The following TPM2 variants were observed in gnomAD, a reference collection of about 807,000 sequenced individuals.
TPM2 encodes the protein tropomyosin 2.
A neutral mutation model predicts 41.0 loss-of-function variants in TPM2; 26 were observed. The ratio of observed to expected loss-of-function variants is 0.63; its 90% CI spans 0.46 to 0.88. TPM2 has a LOEUF of 0.88. Among genes scored for constraint, TPM2 ranks in the 40% least tolerant of loss-of-function variants. The pLI is 0.00. For synonymous variants in TPM2, 143 were observed against 139.3 expected, an observed-to-expected ratio of 1.03 and a Z score of -0.19; for missense variants, 187 against 355.2, an observed-to-expected ratio of 0.53 and a Z score of 3.81.
chr9:35,689,346 G>A (rs1022395583), intron 1 of TPM2, 75 bp from the exon 2 acceptor site: 2 of 1,593,032 alleles, frequency 1.3e-6, no homozygotes, highest in Non-Finnish European at 1.7e-6. Context: ...TGTGTGTAGG[G>A]GCGCTACTAA....
chr9:35,686,959 G>A (rs868190233), intron 2 of TPM2, among the ~76,000 whole-genome samples: 11 of 152,226 alleles, frequency 7.2e-5, no homozygotes, highest in African/African-American at 2.4e-4. Context: ...GGGCAGCCAC[G>A]TGTTAAGAGC....
Position 35,689,131 on chromosome 9 carries a change from C to A in TPM2, c.240+15G>T. ...AGCCCTAACTCCTCCCATTGTCCCC[C>A]AAGTCCACACTCACATCAGTGGCCT... is the stretch of plus-strand genomic sequence containing the variant. On this transcript the variant is annotated intron_variant, in intron 2 of 8. Coordinates refer to ENST00000645482, the MANE Select transcript of TPM2 (RefSeq NM_003289.4). 1 of 1,614,126 alleles carries A rather than the reference C, an allele frequency of 6.2e-7. No homozygotes were observed. Among genetic ancestry groups the A allele is most frequent in the Non-Finnish European group, 8.5e-7 (1 of 1,179,978 alleles).
chr9:35,682,793 A>G (rs982242863), downstream of TPM2: 24 of 1,348,780 alleles, frequency 1.8e-5, no homozygotes, highest in Admixed American at 2.2e-5. Flanking sequence ...GAGGGGTTTC[A>G]GCGTGGGCCA....
Position 35,685,656 on chromosome 9 carries a change from T to C in TPM2, c.365A>G (p.Glu122Gly). The C allele has an allele frequency of 6.2e-7, 1 of 1,614,148 alleles. No homozygotes were observed. The highest frequency in any genetic ancestry group is 8.5e-7 in the Non-Finnish European group (1 of 1,180,028). The change falls in exon 3 of 9, where the codon GAG (glutamate) becomes GGG (glycine). Residue 122 changes from glutamate to glycine, a missense_variant. Physicochemically the swap from Glu to Gly is moderately conservative, Grantham distance 98. Coordinates refer to ENST00000645482, the MANE Select transcript of TPM2 (RefSeq NM_003289.4). The surrounding 1 kb of genome is among the most constrained non-coding windows in gnomAD (Gnocchi z 5.0). ...KLEEAEKAAD[E>G]SERGMKVIEN... ...CGAGGCCCCTGACCACCTCTCGCTC[T>C]CATCAGCCGCCTTCTCGGCCTCCTC... is the stretch of plus-strand genomic sequence containing the variant.
chr9:35,689,043 G>A (rs1825099241), intron 2 of TPM2, 103 bp downstream of exon 2: 2 of 1,349,112 alleles, frequency 1.5e-6, no homozygotes, highest in Non-Finnish European at 2.1e-6. Flanking sequence ...CCTGGCGCTG[G>A]GGACATAAGG....
upstream of TPM2, chr9:35,689,980 G>C (rs1215816162): frequency 1.3e-6 from 2 of 1,500,730 alleles, no homozygotes; most frequent in Admixed American, 2.1e-5. Context: ...GGGCGGGGCC[G>C]GCAACCAGGA....
downstream of TPM2, chr9:35,682,397 G>A: frequency 1.7e-6 from 2 of 1,148,256 alleles, no homozygotes; most frequent in Middle Eastern, 6.0e-4. Context: ...GGGGTGGGGA[G>A]GGCTGAGTCA....
rs776577076 is a variant in TPM2 at position 35,685,563 on chromosome 9, G to T, written c.375-12C>A. The T allele has an allele frequency of 8.7e-5, 140 of 1,614,068 alleles. No homozygotes were observed. The highest frequency in any genetic ancestry group is 7.6e-6 in the Non-Finnish European group (9 of 1,180,048). On this transcript the variant is annotated splice_polypyrimidine_tract_variant and intron_variant, in intron 3 of 8. Transcript: ENST00000645482. The surrounding 1 kb of genome is among the most constrained non-coding windows in gnomAD (Gnocchi z 5.0). ...TGACCTTCATTCCTCTGAAAGGCAG[G>T]GAGAGGGTGAGCGTAGGGTCAGGAC...
downstream of TPM2, chr9:35,682,054 T>C: frequency 1.9e-6 from 3 of 1,613,594 alleles, no homozygotes; most frequent in Non-Finnish European, 1.7e-6. Flanking sequence ...GTGGCAACCA[T>C]AGCCTGGCTG....
intron 8 of TPM2, 78 bp from the exon 9 acceptor site, chr9:35,683,319 A>C (rs1824688564): frequency 7.3e-7 from 1 of 1,363,584 alleles, no homozygotes; most frequent in South Asian, 1.2e-5. Context: ...AAGGAGAGAG[A>C]GCAATGGAAA....
intron 2 of TPM2, among the ~76,000 whole-genome samples, chr9:35,687,234 G>A (rs769106991): frequency 1.3e-5 from 2 of 152,108 alleles, no homozygotes; most frequent in Non-Finnish European, 2.9e-5. Context: ...GGATGTGTAG[G>A]GCGGGGGCTT....
chr9:35,684,472 G>A lies in TPM2; in HGVS notation c.702+16C>T. ...GTGGCTTGAGGGGAGACTGGGAACTGGAAGAGGACTCTCACCTCCTTCAGC... is the reference window on the plus strand; with the variant it reads ...GTGGCTTGAGGGGAGACTGGGAACTAGAAGAGGACTCTCACCTCCTTCAGC... On this transcript the variant is annotated intron_variant, in intron 7 of 8. Coordinates refer to ENST00000645482, the MANE Select transcript of TPM2 (RefSeq NM_003289.4). 2 of 1,614,104 alleles carry A rather than the reference G, an allele frequency of 1.2e-6. No homozygotes were observed. The highest frequency in any genetic ancestry group is 3.3e-5 in the Admixed American group (2 of 60,022).
intron 8 of TPM2, 136 bp downstream of exon 8, chr9:35,684,110 C>T (rs1278844354): frequency 1.2e-6 from 1 of 825,932 alleles, no homozygotes; most frequent in African/African-American, 1.7e-5. Flanking sequence ...AGACATGGCC[C>T]ACAGAGTTGG....
chr9:35,689,644 C>T (rs1243540593), intron 1 of TPM2, 60 bp downstream of exon 1: 1 of 1,602,970 alleles, frequency 6.2e-7, no homozygotes, highest in African/African-American at 1.3e-5. Context: ...GGACCCATGG[C>T]AGCGGCCCAC....
chr9:35,689,322 G>T, intron 1 of TPM2, 51 bp from the exon 2 acceptor site: 1 of 1,611,662 alleles, frequency 6.2e-7, no homozygotes. Flanking sequence ...CCCAGGCCCA[G>T]AATGGAGACG....
rs192476095 is a variant in TPM2, at chr9:35,687,519, G to C, written c.240+1627C>G. ...GACACAGCATAGGAAGCAGGTCCTT[G>C]GTCGGACTGTAGGGCAGGAGAAACA... On this transcript the variant is annotated intron_variant, in intron 2 of 8. Transcript: ENST00000645482. Among the ~76,000 whole-genome samples, 49 of 152,216 alleles carry C rather than the reference G, an allele frequency of 3.2e-4. No homozygotes were observed. In the East Asian group the frequency reaches 8.3e-3, roughly 26 times the overall value.
rs1825106523 is a variant in TPM2 at position 35,689,128 on chromosome 9, C to A, written c.240+18G>T. ...CAGAGCCCTAACTCCTCCCATTGTCCCCCAAGTCCACACTCACATCAGTGG... is the reference window on the plus strand; with the variant it reads ...CAGAGCCCTAACTCCTCCCATTGTCACCCAAGTCCACACTCACATCAGTGG... On this transcript the variant is annotated intron_variant, in intron 2 of 8. Transcript: ENST00000645482. 1 of 1,614,132 alleles carries A rather than the reference C, an allele frequency of 6.2e-7. No homozygotes were observed. The highest frequency in any genetic ancestry group is 2.2e-5 in the East Asian group (1 of 44,876).
downstream of TPM2, chr9:35,682,392 G>A: frequency 9.2e-7 from 1 of 1,091,984 alleles, no homozygotes; most frequent in Non-Finnish European, 1.3e-6. Flanking sequence ...GAGGTGGGGT[G>A]GGGAGGGCTG....
downstream of TPM2, chr9:35,682,772 G>A: frequency 7.5e-7 from 1 of 1,332,030 alleles, no homozygotes; most frequent in Non-Finnish European, 9.9e-7. Flanking sequence ...CAGCCAGGGA[G>A]TGCCTGTGCA....
Sources: gnomAD v4.1 joint callset for allele counts (sites outside exome capture counted in the v4.1 genomes callset) on GRCh38, gnomAD v4.1.1 for gene constraint, Gnocchi (gnomAD v3.1) non-coding constraint, MANE v1.5 for transcripts, NCBI Gene and HGNC (gene_info 2026-07-23, HGNC 2026-07-21) for gene names.